Variants in SLIT1 observed in about 807,000 individuals in gnomAD.
SLIT1 encodes slit guidance ligand 1.
In SLIT1, 66 loss-of-function variants were observed where a neutral mutation model predicts 186.1. That is an observed-to-expected ratio of 0.35 (90% confidence interval 0.29 to 0.44). The LOEUF is 0.44. Among genes scored for constraint, SLIT1 ranks in the 20% least tolerant of loss-of-function variants. The probability of loss-of-function intolerance (pLI) is 1.00; values close to 1 mark genes in which losing one functional copy is unlikely to be tolerated. For missense variants in SLIT1, 1,638 were observed against 2,037.4 expected (o/e 0.80, Z 3.77); for synonymous variants, 761 against 833.8 (o/e 0.91, Z 1.50).
At position 97,043,221 on chromosome 10, in the gene SLIT1, G is replaced by T; in HGVS notation, c.1997+149C>A. 1.5e-6 allele frequency: 2 copies of T among 1,315,456 alleles called. No individual in the cohort carries two copies. The highest frequency in any genetic ancestry group is 2.1e-6 in the Non-Finnish European group (2 of 937,232). The allele number at this position is 1,315,456 out of a possible 1,614,324, so 81.5% of individuals were successfully genotyped here. On this transcript the variant is annotated intron_variant, in intron 19 of 36. Coordinates refer to ENST00000266058, the MANE Select transcript of SLIT1 (RefSeq NM_003061.3). The surrounding 1 kb of genome is among the most constrained non-coding windows in gnomAD (Gnocchi z 7.0). ...ACCAAGAGGACCGGCTCTGAGGACC[G>T]GAGGGAGACTTCGAAATGTGGAACC... is the stretch of plus-strand genomic sequence containing the variant.
In SLIT1 at chr10:97,014,118, C is replaced by T. The variant is rs775489486; in HGVS notation, c.3010G>A (p.Val1004Met). The T allele has an allele frequency of 2.5e-6, 4 of 1,614,040 alleles. No individual in the cohort carries two copies. The highest frequency in any genetic ancestry group is 2.5e-6 in the Non-Finnish European group (3 of 1,180,022). Residue 1004 changes from valine to methionine, a missense_variant, in exon 29 of 37, where the codon GTG becomes ATG. Physicochemically the swap from Val to Met is conservative, Grantham distance 21. Coordinates refer to ENST00000266058, the MANE Select transcript of SLIT1 (RefSeq NM_003061.3). ...TGATCCACACAGTCATCTGTGTTCA[C>T]CCCACAGGTTGGTCCTTCAAAGCCG... is the stretch of plus-strand genomic sequence containing the variant. ...PTGFEGPTCG[V>M]NTDDCVDHAC...
chr10:97,008,696 CAAAA>C (rs200303813), intron 31 of SLIT1, among the ~76,000 whole-genome samples: 4 of 96,570 alleles, frequency 4.1e-5, no homozygotes, highest in Non-Finnish European at 4.7e-5. Context: ...AACTCTGTCT[CAAAA>C]AAAAAAAAAA....
At chr10:97,119,039 A>C (rs143758550) in intron 4 of SLIT1, among the ~76,000 whole-genome samples, 93 of 152,388 alleles carry the variant, frequency 6.1e-4, no homozygotes, top group African/African-American at 2.2e-3. Flanking sequence ...GCAGCCCAGC[A>C]GCGATGGGCC....
intron 4 of SLIT1, among the ~76,000 whole-genome samples, chr10:97,149,326 T>C (rs1420534265): frequency 6.6e-6 from 1 of 152,212 alleles, no homozygotes; most frequent in African/African-American, 2.4e-5. Flanking sequence ...GATTTAATGA[T>C]TGGAAAGCAC....
chr10:97,077,517 A>C (rs949217855), intron 4 of SLIT1, among the ~76,000 whole-genome samples: 4 of 152,238 alleles, frequency 2.6e-5, no homozygotes, highest in Admixed American at 2.0e-4. Flanking sequence ...AGAGCCCTGC[A>C]GCCTGGATTC....
rs1398968430 is a variant in SLIT1 at position 97,000,920 on chromosome 10, C to T, written c.*192G>A. The T allele has an allele frequency of 6.7e-6, 4 of 595,462 alleles. No individual in the cohort carries two copies. The highest frequency in any genetic ancestry group is 1.2e-5 in the Non-Finnish European group (4 of 334,812). 36.9% of individuals were successfully genotyped at this position (595,462 alleles called of 1,614,324 possible). ...AGCCCGCAGCTCAGGCCTCGCCCAC[C>T]CCCGCTGCCCCCAGCTATGGCGCAA... On this transcript the variant is annotated 3_prime_UTR_variant, in exon 37 of 37. Transcript: ENST00000266058.
At chr10:97,148,567 AC>A (rs1425683001) in intron 4 of SLIT1, among the ~76,000 whole-genome samples, 1 of 152,196 alleles carries the variant, frequency 6.6e-6, no homozygotes, top group Non-Finnish European at 1.5e-5. Flanking sequence ...AGCGTGAGCC[AC>A]CATGCCTGGC....
intron 1 of SLIT1, among the ~76,000 whole-genome samples, chr10:97,169,930 T>C (rs532144325): frequency 2.6e-4 from 39 of 152,236 alleles, no homozygotes; most frequent in Non-Finnish European, 4.8e-4. Context: ...CCAGTGTGAT[T>C]CCATGTTCTG....
In SLIT1 at chr10:97,018,627, C is replaced by T. The variant is rs768016076; in HGVS notation, c.2928G>A (p.Gly976=). 36 of 1,596,578 alleles carry T rather than the reference C, an allele frequency of 2.3e-5. No homozygotes were observed. The highest frequency in any genetic ancestry group is 2.8e-5 in the Non-Finnish European group (33 of 1,171,940). The change falls in exon 28 of 37, where the codon GGG becomes GGA. Residue 976 remains glycine (G), a synonymous_variant. Coordinates refer to ENST00000266058, the MANE Select transcript of SLIT1 (RefSeq NM_003061.3). ...DSCSSGPCEN[G]GTCHAQEGED... ...CGCCCTCCTGTGCATGGCAGGTGCCCCCATTTTCACAGGGGCCACTGGAAC... is the reference window on the plus strand; with the variant it reads ...CGCCCTCCTGTGCATGGCAGGTGCCTCCATTTTCACAGGGGCCACTGGAAC...
chr10:97,020,508 GC>G (rs1201309848), intron 26 of SLIT1, among the ~76,000 whole-genome samples: 1 of 152,220 alleles, frequency 6.6e-6, no homozygotes, highest in Non-Finnish European at 1.5e-5. Flanking sequence ...CGCAGATCAG[GC>G]CCCCCGGAGC....
intron 1 of SLIT1, among the ~76,000 whole-genome samples, chr10:97,172,688 G>A (rs1850206205): frequency 6.6e-6 from 1 of 152,114 alleles, no homozygotes; most frequent in Non-Finnish European, 1.5e-5. Flanking sequence ...GGCCAAGTGG[G>A]GAGAATTGCT....
chr10:97,103,724 A>G (rs566370640), intron 4 of SLIT1: 2 of 152,372 alleles, frequency 1.3e-5, no homozygotes, highest in South Asian at 2.1e-4. Flanking sequence ...AAAGCTGGAA[A>G]AAAACCTCAC....
intron 1 of SLIT1, among the ~76,000 whole-genome samples, chr10:97,179,609 T>C (rs1050167859): frequency 6.6e-6 from 1 of 152,218 alleles, no homozygotes; most frequent in African/African-American, 2.4e-5. Flanking sequence ...ACTGTGCTCC[T>C]CGTCTCTATG....
At chr10:97,066,182 G>T in intron 4 of SLIT1, 96 bp from the exon 5 acceptor site, 1 of 996,024 alleles carries the variant, frequency 1.0e-6, no homozygotes, top group Non-Finnish European at 1.6e-6. Flanking sequence ...CAGGTGGGCT[G>T]GAGGGCACTG....
chr10:97,060,508 T>C, intron 9 of SLIT1, 132 bp downstream of exon 9: 1 of 1,132,600 alleles, frequency 8.8e-7, no homozygotes, highest in Non-Finnish European at 1.3e-6. Flanking sequence ...AGAGGCAAAC[T>C]GTGTCTTCTC....
In SLIT1 at chr10:97,066,926, A is replaced by T. The variant is rs145248928; in HGVS notation, c.414-840T>A. On this transcript the variant is annotated intron_variant, in intron 4 of 36. Transcript: ENST00000266058. Reference sequence around the variant, plus strand: ...GGATTGATGACCACTGTCTGGCACCAGGTGGGAGGGATGGCACCCTGGGCT... The same window carrying T: ...GGATTGATGACCACTGTCTGGCACCTGGTGGGAGGGATGGCACCCTGGGCT... Among the ~76,000 whole-genome samples, 127 of 152,164 alleles carry T rather than the reference A, an allele frequency of 8.3e-4. 1 individual carries two copies. The East Asian group carries it at 0.019, about 23-fold the overall frequency.
At chr10:97,088,989 C>A (rs1364371911) in intron 4 of SLIT1, among the ~76,000 whole-genome samples, 1 of 152,172 alleles carries the variant, frequency 6.6e-6, no homozygotes, top group African/African-American at 2.4e-5. Flanking sequence ...CCAGAAGCCC[C>A]GGCCACTTGC....
chr10:97,141,790 CTGTAT>C (rs1403690325), intron 4 of SLIT1, among the ~76,000 whole-genome samples: 6 of 149,926 alleles, frequency 4.0e-5, no homozygotes, highest in South Asian at 4.2e-4. Flanking sequence ...TTGTATTGTA[CTGTAT>C]TGTATTGTAT....
chr10:97,164,907 AGAAG>A lies in SLIT1; in HGVS notation c.198-21_198-18del, dbSNP rs1850083539. On this transcript the variant is annotated intron_variant, in intron 1 of 36. Coordinates refer to ENST00000266058, the MANE Select transcript of SLIT1 (RefSeq NM_003061.3). ...TTGAGTTCCCTGGAGGAAGAAGGAG[AGAAG>A]GAAGCAGTGGGGTGAGCAGGGTAAG... 1 of 1,602,932 alleles carries A rather than the reference AGAAG, an allele frequency of 6.2e-7. No homozygotes were observed. Among genetic ancestry groups the A allele is most frequent in the African/African-American group, 1.3e-5 (1 of 74,784 alleles).
Sources: gnomAD v4.1 joint callset for allele counts (sites outside exome capture counted in the v4.1 genomes callset) on GRCh38, gnomAD v4.1.1 for gene constraint, Gnocchi (gnomAD v3.1) non-coding constraint, MANE v1.5 for transcripts, NCBI Gene and HGNC (gene_info 2026-07-23, HGNC 2026-07-21) for gene names.